The following GLOD4 variants were observed in gnomAD, a reference collection of about 807,000 sequenced individuals.
GLOD4 encodes the protein glyoxalase domain containing 4.
In GLOD4, 44 loss-of-function variants were observed where a neutral mutation model predicts 39.1. The observed-to-expected ratio is 1.13, with a 90% CI of 0.88 to 1.45. GLOD4 has a LOEUF of 1.45. GLOD4 is among the 40% of genes most tolerant of loss of function. The pLI, the probability that GLOD4 is intolerant of heterozygous loss-of-function variation, is 0.00. For missense variants in GLOD4, 405 were observed against 366.4 expected, an observed-to-expected ratio of 1.11 and a Z score of -0.86; for synonymous variants, 145 against 135.0, an observed-to-expected ratio of 1.07 and a Z score of -0.52.
upstream of GLOD4, chr17:783,192 A>G (rs1202308126): frequency 6.2e-7 from 1 of 1,614,180 alleles, no homozygotes; most frequent in Admixed American, 1.7e-5. Flanking sequence ...AGCTGTGCCA[A>G]AAATGTTCTT....
chr17:770,175 C>A lies in GLOD4; in HGVS notation c.631-18G>T. 2 of 1,392,080 alleles carry A rather than the reference C, an allele frequency of 1.4e-6. No individual in the cohort carries two copies. The highest frequency in any genetic ancestry group is 2.8e-5 in the African/African-American group (2 of 70,536). The allele number at this position is 1,392,080 out of a possible 1,614,324, so 86.2% of individuals were successfully genotyped here. ...TCTGGCAACTTGAGGAAAACAGAGGCAACGTGAGCCAGGGGTCACACACTA... is the reference window on the plus strand; with the variant it reads ...TCTGGCAACTTGAGGAAAACAGAGGAAACGTGAGCCAGGGGTCACACACTA... On this transcript the variant is annotated intron_variant, in intron 6 of 8. Coordinates refer to ENST00000301329, the MANE Select transcript of GLOD4 (RefSeq NM_016080.4).
intron 4 of GLOD4, among the ~76,000 whole-genome samples, chr17:773,119 T>C (rs1006072799): frequency 3.9e-5 from 6 of 152,178 alleles, no homozygotes; most frequent in Non-Finnish European, 8.8e-5. Flanking sequence ...TGTGTTAGTG[T>C]AGAGGGGAAA....
At chr17:770,809 C>T (rs1267602434) in intron 5 of GLOD4, 4 of 266,724 alleles carry the variant, frequency 1.5e-5, no homozygotes, top group African/African-American at 6.6e-5. Flanking sequence ...TTTTTGCTAG[C>T]GACATAGTAA....
At chr17:773,777 G>A (rs559102512) in intron 4 of GLOD4, among the ~76,000 whole-genome samples, 1 of 152,242 alleles carries the variant, frequency 6.6e-6, no homozygotes, top group Admixed American at 6.5e-5. Context: ...CGCCTGGCAG[G>A]CTCCATTTTT....
upstream of GLOD4, chr17:783,060 T>G (rs1455410012): frequency 6.3e-6 from 10 of 1,576,900 alleles, no homozygotes; most frequent in Non-Finnish European, 7.8e-6. Context: ...TTACCTGTTT[T>G]TTTTTTTTAT....
chr17:785,269 A>G (rs1354001276), upstream of GLOD4, among the ~76,000 whole-genome samples: 1 of 152,206 alleles, frequency 6.6e-6, no homozygotes, highest in Non-Finnish European at 1.5e-5. Context: ...GAATAACTTC[A>G]TCTATACCAC....
At position 761,939 on chromosome 17, in the gene GLOD4, G is replaced by C. The variant is rs571820376; in HGVS notation, c.832-1701C>G. Among the ~76,000 whole-genome samples the C allele has an allele frequency of 3.9e-5, 6 of 152,344 alleles. No individual in the cohort carries two copies. The East Asian group carries it at 1.2e-3, about 29-fold the overall frequency. On this transcript the variant is annotated intron_variant, in intron 8 of 8. Coordinates refer to ENST00000301329, the MANE Select transcript of GLOD4 (RefSeq NM_016080.4). The stretch of plus-strand genomic sequence containing the variant: ...GGACTGGAATAGGGATGAGTTAGGG[G>C]ACTTAGGGAGGCAGGTGGGAAAGAA...
intron 4 of GLOD4, among the ~76,000 whole-genome samples, chr17:775,446 C>T (rs1908740462): frequency 6.6e-6 from 1 of 152,148 alleles, no homozygotes; most frequent in Non-Finnish European, 1.5e-5. Flanking sequence ...ATCATCTAAC[C>T]TTGAAATCTT....
chr17:776,340 C>T (rs1187420340), intron 3 of GLOD4, among the ~76,000 whole-genome samples: 3 of 152,210 alleles, frequency 2.0e-5, no homozygotes, highest in African/African-American at 7.2e-5. Context: ...GAAATGTACA[C>T]GTGTGCTTTG....
Position 776,969 on chromosome 17 carries a change from T to G in GLOD4, c.160A>C (p.Ser54Arg). 6.2e-7 allele frequency: 1 copy of G among 1,608,778 alleles called. No individual in the cohort carries two copies. The highest frequency in any genetic ancestry group is 2.2e-5 in the East Asian group (1 of 44,852). The change falls in exon 3 of 9, where the codon AGT (serine) becomes CGT (arginine). Residue 54 changes from serine to arginine, a missense_variant. Transcript: ENST00000301329. ...ACNGPYDGKW[S>R]KTMVGFGPED... ...GGCCCAAATCCCACCATTGTTTTACTCCATTTCCCATCATAAGGCCTAGAA... is the reference window on the plus strand; with the variant it reads ...GGCCCAAATCCCACCATTGTTTTACGCCATTTCCCATCATAAGGCCTAGAA...
chr17:765,622 G>C (rs1906383793), intron 8 of GLOD4, among the ~76,000 whole-genome samples: 1 of 150,524 alleles, frequency 6.6e-6, no homozygotes. Context: ...CTGAGGTCAG[G>C]AGTTCAAGAG....
chr17:775,504 G>A (rs1414733831), intron 4 of GLOD4, among the ~76,000 whole-genome samples: 1 of 152,166 alleles, frequency 6.6e-6, no homozygotes. Context: ...TTCTATAACT[G>A]TTCAAAGTAG....
chr17:782,431 T>C (rs200875671), upstream of GLOD4: 197 of 1,613,966 alleles, frequency 1.2e-4, no homozygotes, highest in Middle Eastern at 2.6e-3. Flanking sequence ...TTGCTGCAGG[T>C]GGTCCAGGCT....
chr17:775,234 A>G lies in GLOD4; in HGVS notation c.406+541T>C, dbSNP rs375528724. ...TGCAGTGAGCAGAGATCATGCCAGTACACTCCAGCCGGACTGACAGAGTCT... is the reference window on the plus strand; with the variant it reads ...TGCAGTGAGCAGAGATCATGCCAGTGCACTCCAGCCGGACTGACAGAGTCT... On this transcript the variant is annotated intron_variant, in intron 4 of 8. Transcript: ENST00000301329. Among the ~76,000 whole-genome samples, 154 of 151,836 alleles carry G rather than the reference A, an allele frequency of 1.0e-3. 1 individual carries two copies. Among genetic ancestry groups the G allele is most frequent in the African/African-American group, 3.6e-3 (151 of 41,414 alleles).
intron 1 of GLOD4, among the ~76,000 whole-genome samples, chr17:780,278 T>C (rs1909664300): frequency 6.6e-6 from 1 of 152,216 alleles, no homozygotes. Context: ...CACCACCCTG[T>C]TTAAGAACAT....
upstream of GLOD4, chr17:782,830 C>A: frequency 1.0e-6 from 1 of 987,726 alleles, no homozygotes; most frequent in Non-Finnish European, 1.4e-6. Flanking sequence ...GCCGAATAAG[C>A]GTCTTTGGAA....
chr17:778,396 T>G, intron 2 of GLOD4: 1 of 498,590 alleles, frequency 2.0e-6, no homozygotes, highest in Non-Finnish European at 3.5e-6. Context: ...CCGGCTGGTG[T>G]TAGAGAGCTG....
chr17:779,419 C>T lies in GLOD4; in HGVS notation c.91-675G>A, dbSNP rs556605857. On this transcript the variant is annotated intron_variant, in intron 1 of 8. Coordinates refer to ENST00000301329, the MANE Select transcript of GLOD4 (RefSeq NM_016080.4). ...CTGAGGTGGGCAGATCACCTGAGGT[C>T]GGGAGTTCGAGACCAGCCTAGCCAA... Among the ~76,000 whole-genome samples the T allele has an allele frequency of 2.1e-5, 3 of 145,346 alleles. No homozygotes were observed. In the East Asian group the frequency reaches 6.4e-4, roughly 31 times the overall value.
chr17:772,202 A>C (rs1040807636), intron 4 of GLOD4, among the ~76,000 whole-genome samples: 35 of 151,132 alleles, frequency 2.3e-4, no homozygotes, highest in East Asian at 1.2e-3. Context: ...AAAAAAAAAA[A>C]AAAAAAACAA....
Sources: allele counts gnomAD v4.1 joint callset (sites outside exome capture counted in the v4.1 genomes callset), GRCh38; gene constraint gnomAD v4.1.1; transcripts MANE v1.5; gene names NCBI Gene and HGNC (gene_info 2026-07-23, HGNC 2026-07-21).